CNTNAP2: variants seen among roughly 807,000 people sequenced by gnomAD.
CNTNAP2 encodes contactin associated protein 2.
In CNTNAP2, 98 loss-of-function variants were observed where a neutral mutation model predicts 155.2. The ratio of observed to expected loss-of-function variants is 0.63; its 90% CI spans 0.54 to 0.75. The LOEUF is 0.75. Ranked by LOEUF, CNTNAP2 falls within the 30% of genes least tolerant of loss-of-function variation. CNTNAP2 has a pLI of 0.00. For synonymous variants in CNTNAP2, 651 were observed against 631.2 expected, an observed-to-expected ratio of 1.03 and a Z score of -0.47; for missense variants, 1,727 against 1,688.1, an observed-to-expected ratio of 1.02 and a Z score of -0.40.
chr7:148,364,192 T>C (rs1177940), intron 21 of CNTNAP2, among the ~76,000 whole-genome samples: 62,601 of 152,078 alleles, frequency 0.41, 13,613 homozygotes, highest in African/African-American at 0.49. Context: ...CTGAGGAATG[T>C]GAGCGCACGG....
At chr7:148,266,303 T>C (rs1259540378) in intron 20 of CNTNAP2, among the ~76,000 whole-genome samples, 1 of 152,130 alleles carries the variant, frequency 6.6e-6, no homozygotes, top group Non-Finnish European at 1.5e-5. Flanking sequence ...GAAACACATC[T>C]AGACTGTATA....
chr7:146,610,835 A>G (rs1248918637), intron 1 of CNTNAP2, among the ~76,000 whole-genome samples: 2 of 152,192 alleles, frequency 1.3e-5, no homozygotes, highest in Non-Finnish European at 1.5e-5. Context: ...AAAATGTTCC[A>G]TCCCCAGAGT....
At chr7:147,170,253 T>C (rs896888719) in intron 8 of CNTNAP2, among the ~76,000 whole-genome samples, 1 of 152,046 alleles carries the variant, frequency 6.6e-6, no homozygotes, top group Admixed American at 6.5e-5. Flanking sequence ...AATCCGTAGA[T>C]GGTGCTTTAG....
intron 3 of CNTNAP2, among the ~76,000 whole-genome samples, chr7:146,988,149 C>T (rs536979766): frequency 3.3e-5 from 5 of 152,048 alleles, no homozygotes; most frequent in African/African-American, 1.2e-4. Context: ...AATGCACATG[C>T]TGTTATGGTC....
intron 1 of CNTNAP2, among the ~76,000 whole-genome samples, chr7:146,327,442 C>T (rs1399274251): frequency 6.6e-6 from 1 of 152,166 alleles, no homozygotes; most frequent in Non-Finnish European, 1.5e-5. Flanking sequence ...CTTTGATAAA[C>T]ACAAATTCTC....
chr7:148,352,213 T>C (rs1417092713), intron 21 of CNTNAP2, among the ~76,000 whole-genome samples: 1 of 152,120 alleles, frequency 6.6e-6, no homozygotes, highest in Non-Finnish European at 1.5e-5. Flanking sequence ...ACAAGAACAC[T>C]CTGGCTGCTG....
chr7:148,176,262 CCCAG>C lies in CNTNAP2; in HGVS notation c.3010+3785_3010+3788del, dbSNP rs557370874. On this transcript the variant is annotated intron_variant, in intron 18 of 23. Coordinates refer to ENST00000361727, the MANE Select transcript of CNTNAP2 (RefSeq NM_014141.6). ...TTGAGATGGAGTTTCTCTCTTGTCG[CCCAG>C]ACTGGAGTGCAGTGGCACAATCTTG... Among the ~76,000 whole-genome samples, 14 of 132,560 alleles carry C rather than the reference CCCAG, an allele frequency of 1.1e-4. No homozygotes were observed. In the South Asian group the frequency reaches 3.3e-3, roughly 31 times the overall value. 87.0% of individuals were successfully genotyped at this position (132,560 alleles called of 152,430 possible). A position where few individuals can be genotyped will look rare whatever the true frequency, so the allele number is the denominator to read the frequency against.
chr7:147,618,708 T>TACACACACAC (rs112885206), intron 12 of CNTNAP2, among the ~76,000 whole-genome samples: 2 of 132,072 alleles, frequency 1.5e-5, no homozygotes, highest in African/African-American at 6.9e-5. Context: ...ACAGCTATTA[T>TACACACACAC]ACACACACAC....
intron 15 of CNTNAP2, among the ~76,000 whole-genome samples, chr7:148,059,447 C>T (rs1010044733): frequency 4.6e-5 from 7 of 151,580 alleles, no homozygotes; most frequent in Non-Finnish European, 1.0e-4. Flanking sequence ...CAAAATTATC[C>T]GGGTGTGGTG....
chr7:147,212,991 G>A (rs1803189527), intron 8 of CNTNAP2, among the ~76,000 whole-genome samples: 1 of 152,020 alleles, frequency 6.6e-6, no homozygotes, highest in Non-Finnish European at 1.5e-5. Flanking sequence ...ATATTAGTCA[G>A]TATTCTCCAG....
At chr7:146,930,928 T>A (rs1796739224) in intron 3 of CNTNAP2, among the ~76,000 whole-genome samples, 1 of 152,104 alleles carries the variant, frequency 6.6e-6, no homozygotes, top group Admixed American at 6.6e-5. Context: ...GCACCCAGAT[T>A]CATAAAGCAA....
At chr7:148,153,714 C>G (rs1050979218) in intron 17 of CNTNAP2, among the ~76,000 whole-genome samples, 10 of 152,186 alleles carry the variant, frequency 6.6e-5, no homozygotes, top group Non-Finnish European at 1.2e-4. Flanking sequence ...GAGTTTGGAG[C>G]CCTGACAGCT....
At chr7:146,363,948 A>C (rs1035684013) in intron 1 of CNTNAP2, among the ~76,000 whole-genome samples, 2 of 152,170 alleles carry the variant, frequency 1.3e-5, no homozygotes, top group Non-Finnish European at 2.9e-5. Context: ...GAATTCAAAG[A>C]ATAAATGGAA....
chr7:148,333,377 G>A (rs1421456826), intron 21 of CNTNAP2, among the ~76,000 whole-genome samples: 1 of 151,512 alleles, frequency 6.6e-6, no homozygotes, highest in Admixed American at 6.6e-5. Flanking sequence ...GCGGTGAGCC[G>A]AGATTGCGCG....
chr7:148,307,633 T>C (rs79926064), intron 21 of CNTNAP2, among the ~76,000 whole-genome samples: 3,048 of 152,288 alleles, frequency 0.02, 31 homozygotes, highest in Middle Eastern at 0.048. Context: ...CCATCTTTAA[T>C]GGGAATCCTT....
At chr7:146,789,642 T>G (rs2129188673) in intron 2 of CNTNAP2, among the ~76,000 whole-genome samples, 1 of 150,130 alleles carries the variant, frequency 6.7e-6, no homozygotes, top group East Asian at 1.9e-4. Context: ...ATTATATATG[T>G]GGGAACCAGT....
intron 3 of CNTNAP2, among the ~76,000 whole-genome samples, chr7:146,897,065 T>A (rs180782019): frequency 2.0e-5 from 3 of 147,966 alleles, no homozygotes; most frequent in African/African-American, 8.0e-5. Flanking sequence ...TAGTTTCATA[T>A]TGAACACAAG....
intron 10 of CNTNAP2, among the ~76,000 whole-genome samples, chr7:147,422,196 A>ATATATACATACTATATAG (rs1563198690): frequency 6.8e-6 from 1 of 146,428 alleles, no homozygotes; most frequent in Non-Finnish European, 1.5e-5. Context: ...ACTATATAGT[A>ATATATACATACTATATAG]TGTATATATA....
In CNTNAP2 at chr7:146,257,275, T is replaced by C. The variant is rs150715919; in HGVS notation, c.97+140302T>C. ...GAAACCCAGCAACAAAAAGTACAACTGGAAATTACAACCAGAGCCAGAAGC... is the reference window on the plus strand; with the variant it reads ...GAAACCCAGCAACAAAAAGTACAACCGGAAATTACAACCAGAGCCAGAAGC... On this transcript the variant is annotated intron_variant, in intron 1 of 23. Coordinates refer to ENST00000361727, the MANE Select transcript of CNTNAP2 (RefSeq NM_014141.6). Among the ~76,000 whole-genome samples the C allele has an allele frequency of 5.8e-3, 890 of 152,280 alleles. 11 individuals carry two copies. Among genetic ancestry groups the C allele is most frequent in the African/African-American group, 0.02 (825 of 41,562 alleles).
Sources: allele counts gnomAD v4.1 joint callset (sites outside exome capture counted in the v4.1 genomes callset), GRCh38; gene constraint gnomAD v4.1.1; transcripts MANE v1.5; gene names NCBI Gene and HGNC (gene_info 2026-07-23, HGNC 2026-07-21).